Variants in ATRNL1 observed in about 807,000 individuals in gnomAD.
The protein encoded by ATRNL1 is attractin like 1.
A neutral mutation model predicts 182.7 loss-of-function variants in ATRNL1; 95 were observed. That is an observed-to-expected ratio of 0.52 (90% CI 0.44 to 0.62). ATRNL1 has a LOEUF of 0.62. Ranked by LOEUF, ATRNL1 falls within the 20% of genes least tolerant of loss-of-function variation. The pLI is 0.00. For synonymous variants in ATRNL1, 576 were observed against 568.3 expected (o/e 1.01, Z -0.19); for missense variants, 1,471 against 1,679.5 (o/e 0.88, Z 2.17).
At chr10:115,872,802 G>A (rs1298731471) in intron 28 of ATRNL1, among the ~76,000 whole-genome samples, 1 of 152,186 alleles carries the variant, frequency 6.6e-6, no homozygotes, top group African/African-American at 2.4e-5. Context: ...GCTTCAGTTT[G>A]CCAATTTTTC....
chr10:115,592,741 A>C (rs1855987285), intron 26 of ATRNL1, among the ~76,000 whole-genome samples: 1 of 152,166 alleles, frequency 6.6e-6, no homozygotes, highest in African/African-American at 2.4e-5. Flanking sequence ...TCTAGCAATC[A>C]GTTTCTATTT....
intron 27 of ATRNL1, among the ~76,000 whole-genome samples, chr10:115,749,002 A>G (rs1260252842): frequency 1.3e-5 from 2 of 151,960 alleles, no homozygotes; most frequent in African/African-American, 2.4e-5. Context: ...ATGATTTTCA[A>G]TATAATCACA....
chr10:115,263,521 A>T (rs1851477679), intron 10 of ATRNL1, among the ~76,000 whole-genome samples: 1 of 151,820 alleles, frequency 6.6e-6, no homozygotes, highest in Non-Finnish European at 1.5e-5. Flanking sequence ...ATTTACCTTC[A>T]TGTAGGTCTG....
intron 26 of ATRNL1, among the ~76,000 whole-genome samples, chr10:115,594,178 C>T (rs920446104): frequency 3.3e-5 from 5 of 151,856 alleles, no homozygotes; most frequent in African/African-American, 1.2e-4. Context: ...TCTTTGATAT[C>T]CAAAAGCAAT....
intron 26 of ATRNL1, among the ~76,000 whole-genome samples, chr10:115,553,095 TATC>T (rs1248278644): frequency 6.6e-6 from 1 of 151,344 alleles, no homozygotes; most frequent in Non-Finnish European, 1.5e-5. Flanking sequence ...TATTAATAGG[TATC>T]ATAAGGCAGA....
chr10:115,623,020 T>G (rs1457772650), intron 26 of ATRNL1, among the ~76,000 whole-genome samples: 2 of 152,172 alleles, frequency 1.3e-5, no homozygotes, highest in Non-Finnish European at 2.9e-5. Context: ...AAATTATAAT[T>G]TATAATTATC....
intron 24 of ATRNL1, among the ~76,000 whole-genome samples, chr10:115,494,315 A>G (rs1849444158): frequency 6.6e-6 from 1 of 152,096 alleles, no homozygotes; most frequent in African/African-American, 2.4e-5. Context: ...TCCTGTTTGG[A>G]TGCATTTCAT....
At chr10:115,125,322 G>A (rs1478764337) in intron 3 of ATRNL1, among the ~76,000 whole-genome samples, 3 of 152,126 alleles carry the variant, frequency 2.0e-5, no homozygotes, top group South Asian at 2.1e-4. Flanking sequence ...TGAGTGGCCC[G>A]AAGGTTGCCT....
chr10:115,697,567 C>A (rs1323887605), intron 26 of ATRNL1, among the ~76,000 whole-genome samples: 1 of 152,130 alleles, frequency 6.6e-6, no homozygotes, highest in Non-Finnish European at 1.5e-5. Context: ...CTCAAGTGAT[C>A]CACCTGCCTT....
chr10:115,531,398 A>G (rs1851572522), intron 25 of ATRNL1, among the ~76,000 whole-genome samples: 2 of 151,922 alleles, frequency 1.3e-5, no homozygotes, highest in South Asian at 2.1e-4. Context: ...GCATTTTTTC[A>G]TGTGTTTTTT....
Position 115,340,436 on chromosome 10 carries a change from C to T in ATRNL1, c.3175+6017C>T, listed in dbSNP as rs967460881. Among the ~76,000 whole-genome samples, 57 of 150,544 alleles carry T rather than the reference C, an allele frequency of 3.8e-4. 1 individual carries two copies. The highest frequency in any genetic ancestry group is 1.6e-3 in the Admixed American group (24 of 15,136). ...GATTACAGGGGTGAGCCACCACACC[C>T]GGCTAGTTTTCTTTCTTTTTTTTTC... On this transcript the variant is annotated intron_variant, in intron 19 of 28. Coordinates refer to ENST00000355044, the MANE Select transcript of ATRNL1 (RefSeq NM_207303.4).
At chr10:115,621,270 T>TAGAGAG (rs1229958568) in intron 26 of ATRNL1, among the ~76,000 whole-genome samples, 2 of 55,510 alleles carry the variant, frequency 3.6e-5, no homozygotes, top group African/African-American at 1.3e-4. Context: ...TATATATATA[T>TAGAGAG]ATATATAGAG....
At position 115,366,951 on chromosome 10, in the gene ATRNL1, A is replaced by T. The variant is rs1435512340; in HGVS notation, c.3176-27708A>T. ...ACCTTTCTCTCTGGCTGCCCTTAAC[A>T]TTTTTTCCTTCATTTCAACTTTGGT... On this transcript the variant is annotated intron_variant, in intron 19 of 28. Coordinates refer to ENST00000355044, the MANE Select transcript of ATRNL1 (RefSeq NM_207303.4). Among the ~76,000 whole-genome samples the T allele has an allele frequency of 1.9e-4, 26 of 140,150 alleles. No individual in the cohort carries two copies. In the East Asian group the frequency reaches 5.0e-3, roughly 27 times the overall value. 91.9% of individuals were successfully genotyped at this position (140,150 alleles called of 152,430 possible).
chr10:115,735,310 A>G (rs1947916950), intron 27 of ATRNL1, among the ~76,000 whole-genome samples: 1 of 152,186 alleles, frequency 6.6e-6, no homozygotes, highest in Non-Finnish European at 1.5e-5. Context: ...AATATACTTT[A>G]TCAAGCATTC....
intron 8 of ATRNL1, among the ~76,000 whole-genome samples, chr10:115,196,835 T>C (rs542218271): frequency 1.8e-4 from 27 of 152,240 alleles, no homozygotes; most frequent in African/African-American, 6.5e-4. Flanking sequence ...TAGATGCTCA[T>C]GTGGTGTGGT....
chr10:115,916,522 T>C (rs1952857168), intron 28 of ATRNL1, among the ~76,000 whole-genome samples: 1 of 152,248 alleles, frequency 6.6e-6, no homozygotes, highest in Non-Finnish European at 1.5e-5. Flanking sequence ...CATGGTGCTA[T>C]GATTTCAGCT....
intron 26 of ATRNL1, among the ~76,000 whole-genome samples, chr10:115,672,795 T>A (rs1555041854): frequency 6.6e-6 from 1 of 152,126 alleles, no homozygotes; most frequent in East Asian, 1.9e-4. Context: ...CTATCTCATT[T>A]GGGGGAAAGA....
At chr10:115,755,505 C>G (rs1192245183) in intron 27 of ATRNL1, among the ~76,000 whole-genome samples, 2 of 152,092 alleles carry the variant, frequency 1.3e-5, no homozygotes, top group African/African-American at 4.8e-5. Flanking sequence ...AGCCTTGCAT[C>G]CCAGGGATGA....
At chr10:115,775,249 T>A (rs1341468324) in intron 27 of ATRNL1, among the ~76,000 whole-genome samples, 2 of 152,192 alleles carry the variant, frequency 1.3e-5, no homozygotes, top group Non-Finnish European at 1.5e-5. Context: ...ATACTTAAGT[T>A]AAAATATATT....
Sources: allele counts gnomAD v4.1 joint callset (sites outside exome capture counted in the v4.1 genomes callset), GRCh38; gene constraint gnomAD v4.1.1; transcripts MANE v1.5; gene names NCBI Gene and HGNC (gene_info 2026-07-23, HGNC 2026-07-21).